The following PLCL1 variants were observed in gnomAD, a reference collection of about 807,000 sequenced individuals.
The protein encoded by PLCL1 is phospholipase C like 1 (inactive), also known as inactive phospholipase C-like protein 1.
In PLCL1, 41 loss-of-function variants were observed where a neutral mutation model predicts 84.4. The observed-to-expected ratio is 0.49, with a 90% CI of 0.38 to 0.63. PLCL1 has a LOEUF of 0.63. Ranked by LOEUF, PLCL1 falls within the 30% of genes least tolerant of loss-of-function variation. PLCL1 has a pLI of 0.00. For synonymous variants in PLCL1, 490 were observed against 488.3 expected, an observed-to-expected ratio of 1.00 and a Z score of -0.05; for missense variants, 1,206 against 1,367.8, an observed-to-expected ratio of 0.88 and a Z score of 1.87.
At chr2:198,128,400 C>G (rs143571892) in intron 5 of PLCL1, among the ~76,000 whole-genome samples, 500 of 152,248 alleles carry the variant, frequency 3.3e-3, no homozygotes, top group Middle Eastern at 6.8e-3. Flanking sequence ...ATCTGTCTCC[C>G]CAGGATCAGA....
chr2:197,951,928 C>G (rs1298853619), intron 1 of PLCL1, among the ~76,000 whole-genome samples: 1 of 152,108 alleles, frequency 6.6e-6, no homozygotes, highest in Non-Finnish European at 1.5e-5. Context: ...AAGGCCAGTC[C>G]AGAAACCTGG....
Position 198,147,233 on chromosome 2 carries a change from T to TGTGTGTGTGG in PLCL1, c.*272_*273insTGTGTGTGGG, listed in dbSNP as rs766027512. ...GTGTGTGTGTGTGTGTGTGTGTGTGTGGCAGAGAGAGAGAAAGAGAGAGAG... is the reference window on the plus strand; with the variant it reads ...GTGTGTGTGTGTGTGTGTGTGTGTGTGTGTGTGTGGGGCAGAGAGAGAGAAAGAGAGAGAG... On this transcript the variant is annotated 3_prime_UTR_variant, in exon 6 of 6. Transcript: ENST00000428675. The TGTGTGTGTGG allele has an allele frequency of 1.8e-5, 5 of 273,188 alleles. No homozygotes were observed. The highest frequency in any genetic ancestry group is 1.1e-4 in the African/African-American group (5 of 45,422). The allele number at this position is 273,188 out of a possible 1,614,324, so 16.9% of individuals were successfully genotyped here.
At chr2:197,973,841 C>T (rs1689915253) in intron 1 of PLCL1, among the ~76,000 whole-genome samples, 1 of 152,204 alleles carries the variant, frequency 6.6e-6, no homozygotes, top group African/African-American at 2.4e-5. Context: ...AGGGTTTAAA[C>T]AAGAGAATGA....
chr2:197,955,795 A>G (rs1689478591), intron 1 of PLCL1, among the ~76,000 whole-genome samples: 1 of 149,800 alleles, frequency 6.7e-6, no homozygotes, highest in Admixed American at 6.7e-5. Context: ...CCTTTTTTAA[A>G]CTTTTTATTA....
chr2:197,862,971 A>G (rs902586146), intron 1 of PLCL1, among the ~76,000 whole-genome samples: 1 of 152,154 alleles, frequency 6.6e-6, no homozygotes, highest in African/African-American at 2.4e-5. Context: ...CAAGCCAAAC[A>G]CAGCTAGGGT....
At chr2:197,836,974 A>G (rs993006792) in intron 1 of PLCL1, among the ~76,000 whole-genome samples, 1 of 152,152 alleles carries the variant, frequency 6.6e-6, no homozygotes, top group African/African-American at 2.4e-5. Context: ...TGCTGGGATT[A>G]TAGGTATGAG....
intron 1 of PLCL1, among the ~76,000 whole-genome samples, chr2:198,076,615 C>T (rs562981022): frequency 6.6e-6 from 1 of 152,300 alleles, no homozygotes; most frequent in East Asian, 1.9e-4. Flanking sequence ...TCAGCTACTT[C>T]TCAATAGTGG....
chr2:198,105,355 A>G (rs1208908001), intron 5 of PLCL1, among the ~76,000 whole-genome samples: 5 of 151,794 alleles, frequency 3.3e-5, no homozygotes, highest in Non-Finnish European at 5.9e-5. Flanking sequence ...TGAGCTCTCT[A>G]TTCTGTTCCA....
rs756508194 is a variant in PLCL1, at chr2:198,088,955, A to T, written c.2813A>T (p.Asp938Val). Residue 938 changes from aspartate to valine, a missense_variant, in exon 3 of 6, where the codon GAC becomes GTC. Asp to Val is a radical substitution (Grantham distance 152, BLOSUM62 -3). Coordinates refer to ENST00000428675, the MANE Select transcript of PLCL1 (RefSeq NM_006226.4). ...CTGTCATCTCGGCTCATCACCAGTG[A>T]CAATACTCCTTCAGTCTCACTTGTG... ...LTLSSRLITSDNTPSVSLVMK... is the reference protein window; with the variant it reads ...LTLSSRLITSVNTPSVSLVMK... 2.5e-6 allele frequency: 4 copies of T among 1,613,262 alleles called. No homozygotes were observed. In the South Asian group the frequency reaches 3.3e-5, roughly 13 times the overall value.
In PLCL1 at chr2:198,101,305, T is replaced by G; in HGVS notation, c.2940T>G (p.Phe980Leu). ...AACAGATGATTCAAGAGAGCCGGTT[T>G]CTCATAGAAATGGCGGACACAGTCC... is the stretch of plus-strand genomic sequence containing the variant. ...AYDLMIQESRFLIEMADTVQE... is the reference protein window; with the variant it reads ...AYDLMIQESRLLIEMADTVQE... Residue 980 changes from phenylalanine to leucine, a missense_variant, in exon 4 of 6, where the codon TTT (phenylalanine) becomes TTG (leucine). Phe to Leu is a conservative substitution (Grantham distance 22). Coordinates refer to ENST00000428675, the MANE Select transcript of PLCL1 (RefSeq NM_006226.4). The G allele has an allele frequency of 1.9e-6, 3 of 1,598,448 alleles. No homozygotes were observed. The highest frequency in any genetic ancestry group is 2.6e-6 in the Non-Finnish European group (3 of 1,167,042).
At position 198,085,464 on chromosome 2, in the gene PLCL1, C is replaced by T. The variant is rs151231252; in HGVS notation, c.1947C>T (p.Ile649=). The change falls in exon 2 of 6, where the codon ATC becomes ATT. Residue 649 remains isoleucine, a synonymous_variant. Transcript: ENST00000428675. The surrounding 1 kb of genome is among the most constrained non-coding windows in gnomAD (Gnocchi z 5.3). ...GAATCTATCCAAGTGCCATGAGGAT[C>T]GATTCCAGTAACTTGAATCCACAGG... is the stretch of plus-strand genomic sequence containing the variant. ...LSRIYPSAMR[I]DSSNLNPQDF... is the part of the protein sequence containing the mutation. 1.4e-5 allele frequency: 22 copies of T among 1,613,718 alleles called. No individual in the cohort carries two copies. Among genetic ancestry groups the T allele is most frequent in the Non-Finnish European group, 1.9e-5 (22 of 1,179,648 alleles).
At chr2:198,097,659 A>T (rs556352143) in intron 3 of PLCL1, among the ~76,000 whole-genome samples, 1 of 152,366 alleles carries the variant, frequency 6.6e-6, no homozygotes, top group Admixed American at 6.5e-5. Context: ...TTATGCCAAA[A>T]GGGCCCCCTG....
intron 5 of PLCL1, among the ~76,000 whole-genome samples, chr2:198,121,106 T>A (rs7606075): frequency 0.055 from 8,354 of 152,096 alleles, 406 homozygotes; most frequent in African/African-American, 0.14. Context: ...TGTTTGCCAT[T>A]TGTCTTCTTT....
rs753142336 is a variant in PLCL1 at position 198,127,988 on chromosome 2, G to A, written c.3106-18792G>A. On this transcript the variant is annotated intron_variant, in intron 5 of 5. Transcript: ENST00000428675. ...ATTTCTCACTTCACACAAATAAAGC[G>A]GCTCTAAAATAAGGAGAAAAAAATT... 7.2e-5 allele frequency among the ~76,000 whole-genome samples: 11 copies of A among 152,086 alleles called. No homozygotes were observed. The South Asian group carries it at 1.2e-3, about 17-fold the overall frequency.
rs527698912 is a variant in PLCL1 at position 198,075,254 on chromosome 2, TTGC to T, written c.241-8503_241-8501del. Among the ~76,000 whole-genome samples, 158 of 152,218 alleles carry T rather than the reference TTGC, an allele frequency of 1.0e-3. 1 individual carries two copies. Among genetic ancestry groups the T allele is most frequent in the African/African-American group, 3.7e-3 (155 of 41,530 alleles). ...TGGTTCTTGGCACTTCTGCTAAGAG[TTGC>T]GCAGGCTACCTATTAATTTTAAATG... On this transcript the variant is annotated intron_variant, in intron 1 of 5. Coordinates refer to ENST00000428675, the MANE Select transcript of PLCL1 (RefSeq NM_006226.4).
At position 197,887,483 on chromosome 2, in the gene PLCL1, C is replaced by T. The variant is rs1011668497; in HGVS notation, c.240+82144C>T. On this transcript the variant is annotated intron_variant, in intron 1 of 5. Transcript: ENST00000428675. ...TTAGTTCTGCTAAATATTGTAAAAT[C>T]GCCCTCAAAAAACTTTTAACACATG... 7.9e-5 allele frequency among the ~76,000 whole-genome samples: 12 copies of T among 152,140 alleles called. 1 individual carries two copies. Among genetic ancestry groups the T allele is most frequent in the Middle Eastern group, 3.4e-3 (1 of 294 alleles).
chr2:197,824,259 TC>T (rs1280398487), intron 1 of PLCL1, among the ~76,000 whole-genome samples: 1 of 152,168 alleles, frequency 6.6e-6, no homozygotes, highest in Non-Finnish European at 1.5e-5. Flanking sequence ...AGAATAACTT[TC>T]TTAACTTGTC....
intron 1 of PLCL1, among the ~76,000 whole-genome samples, chr2:198,016,566 A>G (rs1404824653): frequency 1.3e-5 from 2 of 152,176 alleles, no homozygotes; most frequent in Non-Finnish European, 2.9e-5. Context: ...GACTTGAGCA[A>G]ATTATTTAAC....
At chr2:198,030,247 T>C (rs528971883) in intron 1 of PLCL1, among the ~76,000 whole-genome samples, 1 of 152,212 alleles carries the variant, frequency 6.6e-6, no homozygotes, top group African/African-American at 2.4e-5. Flanking sequence ...CTCCCACTTA[T>C]AAGTGAGAAC....
Sources: allele counts gnomAD v4.1 joint callset (sites outside exome capture counted in the v4.1 genomes callset), GRCh38; gene constraint gnomAD v4.1.1; non-coding constraint Gnocchi (gnomAD v3.1); transcripts MANE v1.5; gene names NCBI Gene and HGNC (gene_info 2026-07-23, HGNC 2026-07-21).